The following SCEL variants were observed in gnomAD, a reference collection of about 807,000 sequenced individuals.
SCEL encodes sciellin.
In SCEL, 113 loss-of-function variants were observed where a neutral mutation model predicts 117.6. The observed-to-expected ratio is 0.96, with a 90% CI of 0.83 to 1.12. The LOEUF (loss-of-function observed/expected upper bound fraction) is 1.12. Among genes scored for constraint, SCEL ranks in the 50% most tolerant of loss-of-function variants. The pLI is 0.00. For synonymous variants in SCEL, 270 were observed against 256.2 expected, an observed-to-expected ratio of 1.05 and a Z score of -0.51; for missense variants, 785 against 810.8, an observed-to-expected ratio of 0.97 and a Z score of 0.39.
chr13:77,541,756 T>A (rs1273424130), intron 1 of SCEL, among the ~76,000 whole-genome samples: 1 of 152,244 alleles, frequency 6.6e-6, no homozygotes, highest in Non-Finnish European at 1.5e-5. Flanking sequence ...ATTTTATATA[T>A]GCTTTCTTGT....
intron 1 of SCEL, among the ~76,000 whole-genome samples, chr13:77,548,142 T>C (rs1011594808): frequency 6.6e-6 from 1 of 152,248 alleles, no homozygotes; most frequent in East Asian, 1.9e-4. Context: ...TATGATTTTA[T>C]AGGAATTTAT....
chr13:77,545,301 G>T lies in SCEL; in HGVS notation c.-20+9477G>T, dbSNP rs567043559. On this transcript the variant is annotated intron_variant, in intron 1 of 32. Transcript: ENST00000349847. ...AGTTAGCTGAACTGAGGCTACCAAA[G>T]TGTCAATATGTGGGTGTTGAGTAGA... Among the ~76,000 whole-genome samples, 11 of 152,326 alleles carry T rather than the reference G, an allele frequency of 7.2e-5. No homozygotes were observed. The East Asian group carries it at 1.9e-3, about 27-fold the overall frequency.
chr13:77,555,784 C>G (rs1028825457), intron 1 of SCEL, 73 bp from the exon 2 acceptor site: 5 of 973,154 alleles, frequency 5.1e-6, no homozygotes, highest in Non-Finnish European at 8.3e-6. Context: ...AAGTGAATCT[C>G]AGTCATGAAA....
At chr13:77,585,258 G>A (rs2086495791) in intron 9 of SCEL, among the ~76,000 whole-genome samples, 1 of 152,204 alleles carries the variant, frequency 6.6e-6, no homozygotes, top group Non-Finnish European at 1.5e-5. Flanking sequence ...GCTGTGAATA[G>A]GGTTGTTATG....
chr13:77,549,194 C>T (rs2084162106), intron 1 of SCEL, among the ~76,000 whole-genome samples: 1 of 152,196 alleles, frequency 6.6e-6, no homozygotes, highest in Non-Finnish European at 1.5e-5. Flanking sequence ...TATGAGAGTT[C>T]TCTTTTCTCT....
intron 30 of SCEL, among the ~76,000 whole-genome samples, chr13:77,640,217 A>G (rs1469169752): frequency 6.6e-6 from 1 of 152,012 alleles, no homozygotes; most frequent in Non-Finnish European, 1.5e-5. Context: ...GAGTTTATCT[A>G]TGTGCTCTTG....
At chr13:77,586,260 A>G (rs2086560001) in intron 9 of SCEL, among the ~76,000 whole-genome samples, 1 of 152,000 alleles carries the variant, frequency 6.6e-6, no homozygotes, top group African/African-American at 2.4e-5. Flanking sequence ...TGTTCTTCCC[A>G]CTACTGCAGC....
At chr13:77,554,982 T>C (rs1593909232) in intron 1 of SCEL, among the ~76,000 whole-genome samples, 1 of 152,154 alleles carries the variant, frequency 6.6e-6, no homozygotes, top group Non-Finnish European at 1.5e-5. Flanking sequence ...GCCCCCAATA[T>C]ATTTATGATC....
chr13:77,613,333 G>T (rs746145129), intron 23 of SCEL, among the ~76,000 whole-genome samples: 5 of 152,088 alleles, frequency 3.3e-5, no homozygotes, highest in African/African-American at 9.7e-5. Flanking sequence ...TGAAAAAACT[G>T]ACAACATAAT....
intron 3 of SCEL, among the ~76,000 whole-genome samples, chr13:77,558,949 C>G (rs1567348454): frequency 6.6e-6 from 1 of 151,834 alleles, no homozygotes; most frequent in Non-Finnish European, 1.5e-5. Context: ...TGCCTTGGCT[C>G]AAATCCAAAG....
At chr13:77,539,469 T>C (rs1341183288) in intron 1 of SCEL, among the ~76,000 whole-genome samples, 2 of 152,034 alleles carry the variant, frequency 1.3e-5, no homozygotes, top group Non-Finnish European at 2.9e-5. Context: ...CTTCCCAAAC[T>C]CTTTTTATAG....
intron 11 of SCEL, 70 bp downstream of exon 11, chr13:77,591,530 A>G (rs1390259396): frequency 1.2e-6 from 1 of 867,254 alleles, no homozygotes; most frequent in East Asian, 2.5e-5. Flanking sequence ...GCACATTAAA[A>G]AATGCAAGGC....
rs1195863187 is a variant in SCEL at position 77,593,298 on chromosome 13, C to CGCGCGCGCGCGTCTG, written c.693-216_693-215insGCGCGCGCGCGTCTG. Among the ~76,000 whole-genome samples, 14 of 73,676 alleles carry CGCGCGCGCGCGTCTG rather than the reference C, an allele frequency of 1.9e-4. 1 individual carries two copies. Among genetic ancestry groups the CGCGCGCGCGCGTCTG allele is most frequent in the Non-Finnish European group, 3.0e-4 (11 of 36,228 alleles). The allele number at this position is 73,676 out of a possible 152,430, so 48.3% of individuals were successfully genotyped here. On this transcript the variant is annotated intron_variant, in intron 11 of 32. Transcript: ENST00000349847. ...TGTGTGTGTGTGTGTGTGTGTGTGT[C>CGCGCGCGCGCGTCTG]TGTGTGTGTGTGTGTGTGTGTCAGT...
intron 15 of SCEL, among the ~76,000 whole-genome samples, chr13:77,601,083 AT>A (rs954617334): frequency 2.6e-5 from 4 of 151,682 alleles, no homozygotes; most frequent in African/African-American, 7.3e-5. Context: ...TTTTTTAAAA[AT>A]GTGGAATAGA....
intron 27 of SCEL, among the ~76,000 whole-genome samples, chr13:77,624,779 A>C (rs1428556885): frequency 6.6e-6 from 1 of 152,194 alleles, no homozygotes; most frequent in African/African-American, 2.4e-5. Flanking sequence ...GGTGGACACT[A>C]TGTCCCTAGA....
At chr13:77,545,790 C>A (rs1203934581) in intron 1 of SCEL, among the ~76,000 whole-genome samples, 1 of 152,188 alleles carries the variant, frequency 6.6e-6, no homozygotes, top group Non-Finnish European at 1.5e-5. Flanking sequence ...AGGAGAGATG[C>A]CAAAAGGGAA....
At chr13:77,538,171 C>T (rs577698904) in intron 1 of SCEL, among the ~76,000 whole-genome samples, 3 of 147,164 alleles carry the variant, frequency 2.0e-5, no homozygotes, top group Admixed American at 6.9e-5. Context: ...GTCTGGAGTG[C>T]GATGGCACAA....
chr13:77,643,572 C>T (rs933155377), intron 32 of SCEL, among the ~76,000 whole-genome samples: 1 of 152,058 alleles, frequency 6.6e-6, no homozygotes, highest in Non-Finnish European at 1.5e-5. Flanking sequence ...ATGTGAAAGG[C>T]ACTTTTTCCT....
chr13:77,552,660 TG>T lies in SCEL; in HGVS notation c.-19-3195del, dbSNP rs530331692. Among the ~76,000 whole-genome samples, 376 of 152,344 alleles carry T rather than the reference TG, an allele frequency of 2.5e-3. 2 individuals are homozygous for T. The highest frequency in any genetic ancestry group is 8.3e-3 in the African/African-American group (345 of 41,582). On this transcript the variant is annotated intron_variant, in intron 1 of 32. Transcript: ENST00000349847. ...TCTGTAGGTTCCCTGTTCACTCTGA[TG>T]GTAGTTTCTTTTGCTGTGCAGAAGC...
Sources: allele counts gnomAD v4.1 joint callset (sites outside exome capture counted in the v4.1 genomes callset), GRCh38; gene constraint gnomAD v4.1.1; transcripts MANE v1.5; gene names NCBI Gene and HGNC (gene_info 2026-07-23, HGNC 2026-07-21).